Variants in SH3D19 observed in about 807,000 individuals in gnomAD.
SH3D19 encodes the protein SH3 domain containing 19, also known as SH3 domain-containing protein 19.
Under a neutral mutation model 112.1 loss-of-function variants are expected in SH3D19, and 58 were observed. The ratio of observed to expected loss-of-function variants is 0.52; its 90% CI spans 0.42 to 0.64. The LOEUF (loss-of-function observed/expected upper bound fraction) is 0.64. SH3D19 is among the 30% of genes least tolerant of loss of function. SH3D19 has a pLI of 0.00. For synonymous variants in SH3D19, 391 were observed against 448.5 expected, an observed-to-expected ratio of 0.87 and a Z score of 1.62; for missense variants, 1,090 against 1,263.4, an observed-to-expected ratio of 0.86 and a Z score of 2.08.
chr4:151,299,749 A>C (rs1728167428), intron 1 of SH3D19, among the ~76,000 whole-genome samples: 1 of 152,098 alleles, frequency 6.6e-6, no homozygotes, highest in Non-Finnish European at 1.5e-5. Flanking sequence ...AACAAGAAAA[A>C]AAATGCACTT....
chr4:151,195,371 C>CAAAAAAAAAAAAAAA (rs58618820), intron 2 of SH3D19, among the ~76,000 whole-genome samples: 6 of 66,794 alleles, frequency 9.0e-5, no homozygotes, highest in Admixed American at 2.4e-4. Flanking sequence ...GACTCTGTCT[C>CAAAAAAAAAAAAAAA]AAAAAAAAAA....
chr4:151,313,077 G>C (rs1729629247), intron 1 of SH3D19, among the ~76,000 whole-genome samples: 1 of 131,456 alleles, frequency 7.6e-6, no homozygotes, highest in Non-Finnish European at 1.6e-5. Context: ...CAATGAGCGA[G>C]ACTCTGTCTC....
intron 1 of SH3D19, among the ~76,000 whole-genome samples, chr4:151,313,912 G>A (rs1488216533): frequency 6.6e-6 from 1 of 152,188 alleles, no homozygotes; most frequent in East Asian, 1.9e-4. Context: ...CTCTACACTA[G>A]TTTCAAAGGA....
At chr4:151,214,462 T>G (rs1580198709) in intron 2 of SH3D19, among the ~76,000 whole-genome samples, 1 of 40,364 alleles carries the variant, frequency 2.5e-5, no homozygotes. Context: ...GGCGGGGGGC[T>G]GACCCCCCAC....
At chr4:151,128,393 A>G (rs1409029777) in intron 17 of SH3D19, 37 bp from the exon 18 acceptor site, 2 of 1,527,126 alleles carry the variant, frequency 1.3e-6, no homozygotes, top group South Asian at 1.3e-5. Context: ...GAAGTGTAAG[A>G]TTTTATTTGA....
chr4:151,144,238 G>C, intron 11 of SH3D19, 188 bp from the exon 12 acceptor site: 1 of 1,613,946 alleles, frequency 6.2e-7, no homozygotes, highest in Non-Finnish European at 8.5e-7. Flanking sequence ...AGAGTTCTCC[G>C]GGGTTTTGAG....
At chr4:151,319,038 G>A (rs891203104) in intron 1 of SH3D19, among the ~76,000 whole-genome samples, 22 of 152,110 alleles carry the variant, frequency 1.4e-4, no homozygotes, top group Admixed American at 2.6e-4. Flanking sequence ...TATTGATGGG[G>A]ATAACTAGAC....
At chr4:151,316,244 A>G (rs1729970194) in intron 1 of SH3D19, among the ~76,000 whole-genome samples, 2 of 152,200 alleles carry the variant, frequency 1.3e-5, no homozygotes, top group African/African-American at 4.8e-5. Context: ...ACATACAAAA[A>G]TGTGACCAGT....
chr4:151,262,578 A>C (rs1772458752), intron 1 of SH3D19: 1 of 152,326 alleles, frequency 6.6e-6, no homozygotes, highest in South Asian at 2.1e-4. Flanking sequence ...GGGTGAACCC[A>C]GGAGTGTCTG....
chr4:151,212,085 G>T (rs1238592817), intron 2 of SH3D19, among the ~76,000 whole-genome samples: 1 of 152,190 alleles, frequency 6.6e-6, no homozygotes, highest in Non-Finnish European at 1.5e-5. Context: ...CAAAGGACAG[G>T]CTGACTTTTG....
intron 3 of SH3D19, among the ~76,000 whole-genome samples, chr4:151,185,667 G>A (rs776453031): frequency 3.5e-4 from 53 of 152,112 alleles, no homozygotes; most frequent in Non-Finnish European, 6.2e-4. Flanking sequence ...ATGGAGTGGG[G>A]AAACATGGCA....
intron 6 of SH3D19, among the ~76,000 whole-genome samples, chr4:151,175,997 A>G (rs1419055433): frequency 6.6e-6 from 1 of 151,952 alleles, no homozygotes; most frequent in Admixed American, 6.6e-5. Flanking sequence ...CAGCTTCCTG[A>G]GTAGCTGGGA....
Position 151,121,307 on chromosome 4 carries a change from A to G in SH3D19, c.*784T>C, listed in dbSNP as rs1245517049. The G allele has an allele frequency of 6.5e-6, 1 of 152,690 alleles. No homozygotes were observed. Among genetic ancestry groups the G allele is most frequent in the Non-Finnish European group, 1.5e-5 (1 of 68,050 alleles). 9.5% of individuals were successfully genotyped at this position (152,690 alleles called of 1,614,324 possible). A position where few individuals can be genotyped will look rare whatever the true frequency, so the allele number is the denominator to read the frequency against. On this transcript the variant is annotated 3_prime_UTR_variant, in exon 20 of 20. Coordinates refer to ENST00000604030, the MANE Select transcript of SH3D19 (RefSeq NM_001378122.1). ...TTGTCAAAGGAATGATTGCAGATTC[A>G]GAAAATGTGCTTTGTAATAACCCTG...
intron 13 of SH3D19, among the ~76,000 whole-genome samples, chr4:151,138,871 T>G (rs916781306): frequency 6.6e-6 from 1 of 152,174 alleles, no homozygotes; most frequent in Non-Finnish European, 1.5e-5. Flanking sequence ...TTGCTCTTGT[T>G]GCCCAGGGTG....
chr4:151,197,851 A>C (rs1354539724), intron 2 of SH3D19, among the ~76,000 whole-genome samples: 1 of 152,216 alleles, frequency 6.6e-6, no homozygotes, highest in African/African-American at 2.4e-5. Context: ...CATTTCTAAA[A>C]ACCTAGAAAT....
intron 3 of SH3D19, among the ~76,000 whole-genome samples, chr4:151,181,111 T>C (rs1760867763): frequency 6.6e-6 from 1 of 152,044 alleles, no homozygotes; most frequent in Admixed American, 6.6e-5. Flanking sequence ...AAAGATCTCT[T>C]TGGGGAAAAA....
chr4:151,125,796 T>C (rs1202530946), intron 19 of SH3D19, among the ~76,000 whole-genome samples: 3 of 131,876 alleles, frequency 2.3e-5, no homozygotes, highest in Non-Finnish European at 3.1e-5. Flanking sequence ...ACCGAGATCA[T>C]GCCACTGCAA....
intron 1 of SH3D19, among the ~76,000 whole-genome samples, chr4:151,274,714 T>C (rs1194956490): frequency 1.3e-5 from 2 of 152,190 alleles, no homozygotes; most frequent in Non-Finnish European, 2.9e-5. Context: ...CCTGTTCTTA[T>C]TATTCCATAG....
chr4:151,307,343 T>C (rs2126354069), intron 1 of SH3D19, among the ~76,000 whole-genome samples: 1 of 152,350 alleles, frequency 6.6e-6, no homozygotes, highest in South Asian at 2.1e-4. Context: ...CTTCTATCTT[T>C]TTAGTGTCTC....
Sources: gnomAD v4.1 joint callset for allele counts (sites outside exome capture counted in the v4.1 genomes callset) on GRCh38, gnomAD v4.1.1 for gene constraint, MANE v1.5 for transcripts, NCBI Gene and HGNC (gene_info 2026-07-23, HGNC 2026-07-21) for gene names.